The following RRP1B variants were observed in gnomAD, a reference collection of about 807,000 sequenced individuals.
The protein encoded by RRP1B is ribosomal RNA processing protein 1 homolog B.
Under a neutral mutation model 80.2 loss-of-function variants are expected in RRP1B, and 56 were observed. That is an observed-to-expected ratio of 0.70 (90% CI 0.56 to 0.87). RRP1B has a LOEUF of 0.87. Among genes scored for constraint, RRP1B ranks in the 40% least tolerant of loss-of-function variants. The probability of loss-of-function intolerance (pLI) is 0.00; values close to 1 mark genes in which losing one functional copy is unlikely to be tolerated. For synonymous variants in RRP1B, 351 were observed against 357.6 expected, an observed-to-expected ratio of 0.98 and a Z score of 0.21; for missense variants, 807 against 939.8, an observed-to-expected ratio of 0.86 and a Z score of 1.85.
intron 9 of RRP1B, 26 bp downstream of exon 9, chr21:43,683,399 A>G (rs1338659895): frequency 1.9e-6 from 3 of 1,579,946 alleles, no homozygotes; most frequent in Non-Finnish European, 2.6e-6. Context: ...TGCTTTTTAT[A>G]GAATATAGAT....
rs549762723 is a variant in RRP1B, at chr21:43,671,939, G to A, written c.214-369G>A. On this transcript the variant is annotated intron_variant, in intron 2 of 15. Transcript: ENST00000340648. ...TGACCTCAGGTGATCCACCTGCCTC[G>A]GCCTCCCAAAGTGCTAGGATTACAG... 3.3e-5 allele frequency among the ~76,000 whole-genome samples: 5 copies of A among 152,194 alleles called. No individual in the cohort carries two copies. In the South Asian group the frequency reaches 6.2e-4, roughly 19 times the overall value.
intron 14 of RRP1B, among the ~76,000 whole-genome samples, chr21:43,690,669 T>G (rs963754458): frequency 2.0e-5 from 3 of 152,110 alleles, no homozygotes; most frequent in Admixed American, 6.5e-5. Context: ...ATCCACACAT[T>G]CTGCCTCCCA....
chr21:43,674,653 G>C lies in RRP1B; in HGVS notation c.375G>C (p.Leu125=), dbSNP rs80023485. ...DKYYMLIRLV[L]RQSFEVLKRN... is the part of the protein sequence containing the mutation. The stretch of plus-strand genomic sequence containing the variant: ...TTCTTTAGCTGATTCGTCTGGTCCT[G>C]AGGCAGTCCTTTGAAGTCTTGAAGC... Residue 125 remains leucine, a synonymous_variant, in exon 5 of 16, where the codon CTG becomes CTC. Transcript: ENST00000340648. 1.3e-3 allele frequency: 2,065 copies of C among 1,554,290 alleles called. 32 individuals are homozygous for C. The African/African-American group carries it at 0.028, about 21-fold the overall frequency.
At position 43,692,013 on chromosome 21, in the gene RRP1B, T is replaced by C. The variant is rs530958016; in HGVS notation, c.2083+511T>C. Among the ~76,000 whole-genome samples the C allele has an allele frequency of 5.9e-5, 9 of 152,126 alleles. No individual in the cohort carries two copies. In the East Asian group the frequency reaches 1.4e-3, roughly 23 times the overall value. ...TCTGTCCCTCATCCTCAAAGGGCTG[T>C]GAGTGGGGTGCCAGTGGTGAGTGGG... is the stretch of plus-strand genomic sequence containing the variant. On this transcript the variant is annotated intron_variant, in intron 15 of 15. Coordinates refer to ENST00000340648, the MANE Select transcript of RRP1B (RefSeq NM_015056.3).
chr21:43,684,109 T>C (rs2083053990), intron 9 of RRP1B, among the ~76,000 whole-genome samples: 1 of 148,122 alleles, frequency 6.8e-6, no homozygotes, highest in Admixed American at 6.8e-5. Context: ...TCGCACTCTG[T>C]CTCCCAGGCT....
At position 43,691,951 on chromosome 21, in the gene RRP1B, AC is replaced by A. The variant is rs2083088615; in HGVS notation, c.2083+450del. On this transcript the variant is annotated intron_variant, in intron 15 of 15. Transcript: ENST00000340648. The surrounding 1 kb of genome is among the most constrained non-coding windows in gnomAD (Gnocchi z 4.2). ...CGTGAGCCACCGAGCCCGGCCCCTCACTGCCCATTTCTGAGTCAGAAGGAAG... is the reference window on the plus strand; with the variant it reads ...CGTGAGCCACCGAGCCCGGCCCCTCATGCCCATTTCTGAGTCAGAAGGAAG... Among the ~76,000 whole-genome samples, 1 of 151,972 alleles carries A rather than the reference AC, an allele frequency of 6.6e-6. No homozygotes were observed. Among genetic ancestry groups the A allele is most frequent in the Non-Finnish European group, 1.5e-5 (1 of 67,976 alleles).
At chr21:43,662,992 T>C (rs931075032) in intron 1 of RRP1B, among the ~76,000 whole-genome samples, 8 of 152,250 alleles carry the variant, frequency 5.3e-5, no homozygotes, top group Admixed American at 1.3e-4. Flanking sequence ...GTACATCTTA[T>C]GGTTGATGCT....
At chr21:43,662,879 C>T (rs890935398) in intron 1 of RRP1B, among the ~76,000 whole-genome samples, 1 of 152,214 alleles carries the variant, frequency 6.6e-6, no homozygotes, top group Non-Finnish European at 1.5e-5. Flanking sequence ...ATCAGTTCTG[C>T]AACTTTAAAA....
chr21:43,666,797 A>G (rs2082979918), intron 1 of RRP1B, among the ~76,000 whole-genome samples: 1 of 152,122 alleles, frequency 6.6e-6, no homozygotes, highest in Admixed American at 6.5e-5. Context: ...TTTATGAGCA[A>G]TCCAAATGAG....
In RRP1B at chr21:43,660,472, G is replaced by T. The variant is rs2082948149; in HGVS notation, c.130+678G>T. On this transcript the variant is annotated intron_variant, in intron 1 of 15. Coordinates refer to ENST00000340648, the MANE Select transcript of RRP1B (RefSeq NM_015056.3). ...CAGTACTCGGGAGGCTGAGGCAGGA[G>T]AATCGCTTGAACCTGGGAGGCGGAG... 2.6e-5 allele frequency among the ~76,000 whole-genome samples: 4 copies of T among 152,314 alleles called. No individual in the cohort carries two copies. In the South Asian group the frequency reaches 8.3e-4, roughly 32 times the overall value.
Position 43,693,071 on chromosome 21 carries a change from G to T in RRP1B, c.2084-119G>T. On this transcript the variant is annotated intron_variant, in intron 15 of 15. Coordinates refer to ENST00000340648, the MANE Select transcript of RRP1B (RefSeq NM_015056.3). This position sits in a 1 kb window ranked among gnomAD's most constrained non-coding sequence, Gnocchi z 4.1. ...CCTGCTCTCTGCAGGGCCTTGAGAT[G>T]GCCCTGCTTCGTCCTAGCAAGTGGG... The T allele has an allele frequency of 1.0e-6, 1 of 984,028 alleles. No homozygotes were observed. Among genetic ancestry groups the T allele is most frequent in the South Asian group, 1.5e-5 (1 of 68,172 alleles). 61.0% of individuals were successfully genotyped at this position (984,028 alleles called of 1,614,324 possible). A position where few individuals can be genotyped will look rare whatever the true frequency, so the allele number is the denominator to read the frequency against.
intron 2 of RRP1B, among the ~76,000 whole-genome samples, chr21:43,671,677 A>G (rs2147164760): frequency 6.9e-6 from 1 of 144,518 alleles, no homozygotes; most frequent in East Asian, 2.2e-4. Context: ...CCCAGCTTAG[A>G]TGGGGGTTTT....
Position 43,693,498 on chromosome 21 carries a change from A to C in RRP1B, c.*115A>C. ...TTGTAAGTTCCCATAAGTTGTGTGC[A>C]CGAGGTTCTGAGAGTGCCCGCAGGC... is the stretch of plus-strand genomic sequence containing the variant. On this transcript the variant is annotated 3_prime_UTR_variant, in exon 16 of 16. Transcript: ENST00000340648. This position sits in a 1 kb window ranked among gnomAD's most constrained non-coding sequence, Gnocchi z 4.1. 8.8e-7 allele frequency: 1 copy of C among 1,133,498 alleles called. No individual in the cohort carries two copies. Among genetic ancestry groups the C allele is most frequent in the East Asian group, 2.8e-5 (1 of 36,256 alleles). The allele number at this position is 1,133,498 out of a possible 1,614,324, so 70.2% of individuals were successfully genotyped here.
intron 1 of RRP1B, among the ~76,000 whole-genome samples, chr21:43,662,745 A>AATTC (rs143266465): frequency 0.036 from 5,525 of 152,256 alleles, 168 homozygotes; most frequent in East Asian, 0.11. Flanking sequence ...TATTTGTCCC[A>AATTC]ATTCATTCAT....
rs886333110 is a variant in RRP1B at position 43,684,561 on chromosome 21, T to C, written c.900T>C (p.Tyr300=). ...EDTGPLLQFD[Y]KAVADRLLEM... ...TTTCTCTTCCTGCCTAGTTTGACTA[T>C]AAGGCTGTTGCTGATCGACTCCTGG... Residue 300 remains tyrosine (Y), a synonymous_variant, in exon 10 of 16, where the codon TAT becomes TAC. Transcript: ENST00000340648. The C allele has an allele frequency of 1.2e-6, 2 of 1,613,926 alleles. No individual in the cohort carries two copies. The highest frequency in any genetic ancestry group is 1.7e-5 in the Admixed American group (1 of 59,996).
chr21:43,666,433 T>A (rs928104848), intron 1 of RRP1B, among the ~76,000 whole-genome samples: 8 of 152,174 alleles, frequency 5.3e-5, no homozygotes. Flanking sequence ...AAAACTAGCA[T>A]GGCTGCCAGG....
rs1246996256 is a variant in RRP1B, at chr21:43,687,993, C to T, written c.1619C>T (p.Pro540Leu). ...GTCAATGGCAGTGGCCTGTCCACGC[C>T]GGCCTGGCCTCCATTGCAGCAGGAA... ...VPVNGSGLST[P>L]AWPPLQQEGP... The change falls in exon 13 of 16, where the codon CCG becomes CTG. Residue 540 changes from proline (P) to leucine (L), a missense_variant. Pro to Leu is a moderately conservative substitution (Grantham distance 98). Coordinates refer to ENST00000340648, the MANE Select transcript of RRP1B (RefSeq NM_015056.3). 13 of 1,612,704 alleles carry T rather than the reference C, an allele frequency of 8.1e-6. No individual in the cohort carries two copies. The highest frequency in any genetic ancestry group is 1.6e-4 in the Middle Eastern group (1 of 6,084).
In RRP1B at chr21:43,673,975, C is replaced by T; in HGVS notation, c.357+20C>T. ...TATATGGTAAGATCTGCCGCAGTTA[C>T]TTCAAAAACTCCTGGGAAGAAAAGA... On this transcript the variant is annotated intron_variant, in intron 4 of 15. Coordinates refer to ENST00000340648, the MANE Select transcript of RRP1B (RefSeq NM_015056.3). 1 of 1,532,630 alleles carries T rather than the reference C, an allele frequency of 6.5e-7. No homozygotes were observed. The highest frequency in any genetic ancestry group is 9.0e-7 in the Non-Finnish European group (1 of 1,116,128). The allele number at this position is 1,532,630 out of a possible 1,614,324, so 94.9% of individuals were successfully genotyped here.
At position 43,675,015 on chromosome 21, in the gene RRP1B, C is replaced by T. The variant is rs113818146; in HGVS notation, c.420-19C>T. On this transcript the variant is annotated intron_variant, in intron 5 of 15. Transcript: ENST00000340648. ...GTTGGCATACTGTCATTCACAGAAGCATGCGTTTGGTTCTTTAGCCGAATC... is the reference window on the plus strand; with the variant it reads ...GTTGGCATACTGTCATTCACAGAAGTATGCGTTTGGTTCTTTAGCCGAATC... The T allele has an allele frequency of 7.4e-5, 120 of 1,613,016 alleles. No individual in the cohort carries two copies. In the African/African-American group the frequency reaches 1.3e-3, roughly 18 times the overall value.
Sources: allele counts gnomAD v4.1 joint callset (sites outside exome capture counted in the v4.1 genomes callset), GRCh38; gene constraint gnomAD v4.1.1; non-coding constraint Gnocchi (gnomAD v3.1); transcripts MANE v1.5; gene names NCBI Gene and HGNC (gene_info 2026-07-23, HGNC 2026-07-21).